ZNF782: variants seen among roughly 807,000 people sequenced by gnomAD.
ZNF782 encodes the protein zinc finger protein 782.
In ZNF782, 12 loss-of-function variants were observed where a neutral mutation model predicts 13.0. The ratio of observed to expected loss-of-function variants is 0.92; its 90% CI spans 0.59 to 1.50. ZNF782 has a LOEUF of 1.50. Ranked by LOEUF, ZNF782 falls within the 40% of genes most tolerant of loss-of-function variation. The pLI is 0.00. For synonymous variants in ZNF782, 284 were observed against 283.0 expected (o/e 1.00, Z -0.04); for missense variants, 770 against 822.9 (o/e 0.94, Z 0.79).
At chr9:96,906,038 G>A in the ZNF782 span, among the ~76,000 whole-genome samples, 1 of 152,358 alleles carries the variant, frequency 6.6e-6, no homozygotes, top group Admixed American at 6.5e-5. Context: ...TGAAACTCTT[G>A]AGCACTGTTG....
At chr9:96,855,772 A>G (rs1001565894), upstream of ZNF782, among the ~76,000 whole-genome samples, 2 of 152,256 alleles carry the variant, frequency 1.3e-5, no homozygotes, top group Non-Finnish European at 2.9e-5. Context: ...GTAGATACCC[A>G]GTAGTGGGAT....
At chr9:96,840,039 G>A (rs938567878) in intron 4 of ZNF782, among the ~76,000 whole-genome samples, 2 of 152,114 alleles carry the variant, frequency 1.3e-5, no homozygotes, top group African/African-American at 4.8e-5. Flanking sequence ...ATATGTTGCT[G>A]AGTAAAAATT....
chr9:96,819,731 C>A lies in ZNF782; in HGVS notation c.292G>T (p.Gly98Cys). The change falls in exon 6 of 6, where the codon GGC becomes TGC. Residue 98 changes from glycine (G) to cysteine (C), a missense_variant. Transcript: ENST00000481138. The part of the protein sequence containing the change: ...EISEKSPENQ[G>C]KHLLQVLFTN... ...AATAAAACTTGCAACAAATGTTTGCCTTGATTTTCTGGGCTCTTCTCTGAG... is the reference window on the plus strand; with the variant it reads ...AATAAAACTTGCAACAAATGTTTGCATTGATTTTCTGGGCTCTTCTCTGAG... 6.2e-7 allele frequency: 1 copy of A among 1,610,724 alleles called. No individual in the cohort carries two copies. The highest frequency in any genetic ancestry group is 8.5e-7 in the Non-Finnish European group (1 of 1,178,942).
chr9:96,822,866 G>A lies in ZNF782; in HGVS notation c.245-3088C>T, dbSNP rs1038138559. Among the ~76,000 whole-genome samples, 14 of 152,060 alleles carry A rather than the reference G, an allele frequency of 9.2e-5. 1 individual carries two copies. The highest frequency in any genetic ancestry group is 1.3e-4 in the Admixed American group (2 of 15,274). ...TTTTTAAAGATATATATTCCTTATT[G>A]AGTTTAAGATAGACTTTAATTCTTC... is the stretch of plus-strand genomic sequence containing the variant. On this transcript the variant is annotated intron_variant, in intron 5 of 5. Coordinates refer to ENST00000481138, the MANE Select transcript of ZNF782 (RefSeq NM_001001662.3).
intron 1 of ZNF782, among the ~76,000 whole-genome samples, chr9:96,874,971 T>C (rs1851876031): frequency 2.0e-5 from 3 of 152,210 alleles, no homozygotes; most frequent in South Asian, 2.1e-4. Context: ...GCCTAAAATA[T>C]ATCTGACACA....
chr9:96,927,695 G>C, the ZNF782 span, among the ~76,000 whole-genome samples: 1 of 152,092 alleles, frequency 6.6e-6, no homozygotes, highest in African/African-American at 2.4e-5. Flanking sequence ...TTGTAAAAGT[G>C]TACTGTAAAT....
Position 96,819,473 on chromosome 9 carries a change from CTT to C in ZNF782, c.548_549del (p.Gln183ArgfsTer7), listed in dbSNP as rs751759557. ...ATTTTACTATAAGCGAAAGATTTCT[CTT>C]GAGTGTTAGTTCTGCCATCCTTAAT... ...ISIKDGRTNT[Q>X]EKSFAYSKIV... On this transcript the variant is annotated frameshift_variant, in exon 6 of 6. Coordinates refer to ENST00000481138, the MANE Select transcript of ZNF782 (RefSeq NM_001001662.3). LOFTEE classifies it low-confidence loss of function (END_TRUNC). 132 of 1,613,802 alleles carry C rather than the reference CTT, an allele frequency of 8.2e-5. No homozygotes were observed. The highest frequency in any genetic ancestry group is 6.2e-4 in the Admixed American group (37 of 59,952).
chr9:96,931,639 C>G, the ZNF782 span: 1 of 1,501,888 alleles, frequency 6.7e-7, no homozygotes, highest in African/African-American at 1.4e-5. Flanking sequence ...ATGCCCTCAG[C>G]TGTTGGGACT....
intron 3 of ZNF782, among the ~76,000 whole-genome samples, chr9:96,846,427 A>G (rs192656869): frequency 2.6e-4 from 40 of 152,296 alleles, no homozygotes; most frequent in African/African-American, 8.9e-4. Flanking sequence ...CACAAACCAA[A>G]TATCTGCTGT....
upstream of ZNF782, among the ~76,000 whole-genome samples, chr9:96,876,487 T>C (rs1851893641): frequency 6.6e-6 from 1 of 152,060 alleles, no homozygotes; most frequent in Non-Finnish European, 1.5e-5. Flanking sequence ...AAAACAAGGA[T>C]CCTCCCTCCA....
the ZNF782 span, among the ~76,000 whole-genome samples, chr9:96,882,881 G>A: frequency 2.0e-5 from 3 of 152,176 alleles, no homozygotes; most frequent in Non-Finnish European, 2.9e-5. Context: ...TGTAGGAGGG[G>A]TGGTTTAAAT....
the ZNF782 span, among the ~76,000 whole-genome samples, chr9:96,911,510 G>GTT: frequency 5.5e-5 from 6 of 109,678 alleles, 1 homozygote; most frequent in East Asian, 9.9e-4. Flanking sequence ...TTTTTTTTTT[G>GTT]TTTTTGTTTT....
chr9:96,858,377 C>T (rs146298499), upstream of ZNF782, among the ~76,000 whole-genome samples: 3 of 152,202 alleles, frequency 2.0e-5, no homozygotes, highest in Admixed American at 6.5e-5. This position sits in a 1 kb window ranked among gnomAD's most constrained non-coding sequence, Gnocchi z 4.4. Context: ...GGCACTCATA[C>T]AACCACAACA....
intron 4 of ZNF782, among the ~76,000 whole-genome samples, chr9:96,842,039 A>G (rs74429844): frequency 0.012 from 1,821 of 152,086 alleles, 50 homozygotes; most frequent in African/African-American, 0.041. Context: ...AATCAATTAC[A>G]TTTCTATAAA....
the ZNF782 span, among the ~76,000 whole-genome samples, chr9:96,907,680 G>A: frequency 5.3e-5 from 8 of 151,304 alleles, no homozygotes; most frequent in South Asian, 6.3e-4. Context: ...ACTCTTGGTC[G>A]CCCAGGCTAG....
rs1180461998 is a variant in ZNF782, at chr9:96,821,339, T to C, written c.245-1561A>G. Among the ~76,000 whole-genome samples the C allele has an allele frequency of 3.3e-5, 5 of 152,258 alleles. No homozygotes were observed. In the South Asian group the frequency reaches 1.0e-3, roughly 31 times the overall value. On this transcript the variant is annotated intron_variant, in intron 5 of 5. Coordinates refer to ENST00000481138, the MANE Select transcript of ZNF782 (RefSeq NM_001001662.3). ...CAGCAATAATCTTATATTCTTTCTC[T>C]GAATCACTCTGCTTTTTAGCCTTAG...
At chr9:96,868,724 T>C (rs1027955855) in intron 1 of ZNF782, among the ~76,000 whole-genome samples, 2 of 152,226 alleles carry the variant, frequency 1.3e-5, no homozygotes, top group Non-Finnish European at 2.9e-5. Flanking sequence ...TTGAATGCTT[T>C]CTTGTGTTTC....
intron 4 of ZNF782, among the ~76,000 whole-genome samples, chr9:96,832,814 T>C (rs1850850510): frequency 6.6e-6 from 1 of 152,220 alleles, no homozygotes; most frequent in Admixed American, 6.5e-5. Flanking sequence ...TTTGGGTTTA[T>C]CCTGTATAGA....
the ZNF782 span, among the ~76,000 whole-genome samples, chr9:96,898,300 C>T: frequency 2.7e-5 from 4 of 148,936 alleles, no homozygotes; most frequent in East Asian, 2.3e-4. Context: ...AGCAGTCACT[C>T]GCTGTTCCCT....
Sources: gnomAD v4.1 joint callset for allele counts (sites outside exome capture counted in the v4.1 genomes callset) on GRCh38, gnomAD v4.1.1 for gene constraint, Gnocchi (gnomAD v3.1) non-coding constraint, MANE v1.5 for transcripts, NCBI Gene and HGNC (gene_info 2026-07-23, HGNC 2026-07-21) for gene names.